DLGAP1: variants seen among roughly 807,000 people sequenced by gnomAD.
DLGAP1 encodes the protein DLG associated protein 1, also known as disks large-associated protein 1.
DLGAP1 carries 11 observed loss-of-function variants against 90.8 expected under a neutral mutation model. The observed-to-expected ratio is 0.12, with a 90% CI of 0.08 to 0.20. The LOEUF (loss-of-function observed/expected upper bound fraction) is 0.20, where lower values mean the gene tolerates loss of function less well. Ranked by LOEUF, DLGAP1 falls within the 10% of genes least tolerant of loss-of-function variation. The pLI is 1.00. For missense variants in DLGAP1, 1,050 were observed against 1,333.8 expected, an observed-to-expected ratio of 0.79 and a Z score of 3.31; for synonymous variants, 558 against 540.7, an observed-to-expected ratio of 1.03 and a Z score of -0.44.
intron 10 of DLGAP1, among the ~76,000 whole-genome samples, chr18:3,519,464 T>C (rs1315419799): frequency 1.3e-5 from 2 of 152,176 alleles, no homozygotes; most frequent in African/African-American, 2.4e-5. Context: ...CATTCTCAAC[T>C]CAACCCCTAT....
At chr18:4,058,806 T>C (rs1022910050) in intron 2 of DLGAP1, among the ~76,000 whole-genome samples, 1 of 152,248 alleles carries the variant, frequency 6.6e-6, no homozygotes. Flanking sequence ...GAGAGGAGTC[T>C]AGATTCTTGC....
At position 4,348,578 on chromosome 18, in the gene DLGAP1, A is replaced by G. The variant is rs1054570310; in HGVS notation, c.-267+106428T>C. Among the ~76,000 whole-genome samples, 8 of 152,240 alleles carry G rather than the reference A, an allele frequency of 5.3e-5. 1 individual carries two copies. The highest frequency in any genetic ancestry group is 1.9e-4 in the East Asian group (1 of 5,170). On this transcript the variant is annotated intron_variant, in intron 1 of 12. Coordinates refer to ENST00000315677, the MANE Select transcript of DLGAP1 (RefSeq NM_004746.4). ...ATCTAGCACTCAGATTTTGTTTCCAAATACCTTTCGCTAAGAAAAAGAGCC... is the reference window on the plus strand; with the variant it reads ...ATCTAGCACTCAGATTTTGTTTCCAGATACCTTTCGCTAAGAAAAAGAGCC...
chr18:4,312,592 C>A (rs558083724), intron 1 of DLGAP1, among the ~76,000 whole-genome samples: 18 of 152,068 alleles, frequency 1.2e-4, no homozygotes, highest in African/African-American at 4.3e-4. Flanking sequence ...GTGATCCCAC[C>A]GCAAGATGAG....
intron 1 of DLGAP1, among the ~76,000 whole-genome samples, chr18:4,222,853 A>G (rs2078106713): frequency 6.6e-6 from 1 of 152,178 alleles, no homozygotes; most frequent in South Asian, 2.1e-4. Flanking sequence ...AAACCATAAT[A>G]ATGTCTAATT....
intron 1 of DLGAP1, among the ~76,000 whole-genome samples, chr18:4,222,938 A>T (rs1169755440): frequency 6.6e-6 from 1 of 152,126 alleles, no homozygotes; most frequent in Non-Finnish European, 1.5e-5. Context: ...CAGAAAAGAA[A>T]TAAAAGAAAT....
At chr18:4,283,358 C>A (rs1598807797) in intron 1 of DLGAP1, among the ~76,000 whole-genome samples, 1 of 152,058 alleles carries the variant, frequency 6.6e-6, no homozygotes, top group African/African-American at 2.4e-5. Flanking sequence ...AAATATTTGT[C>A]TTTGAATATT....
Position 3,733,525 on chromosome 18 carries a change from G to GT in DLGAP1, c.1351-4151_1351-4150insA, listed in dbSNP as rs781453442. ...TGCCAGTGTTTTTTGGATATTGTGG[G>GT]GTTTTTTTGTTTTGTTTTCACATCC... On this transcript the variant is annotated intron_variant, in intron 6 of 12. Transcript: ENST00000315677. Among the ~76,000 whole-genome samples the GT allele has an allele frequency of 6.7e-3, 1,017 of 152,032 alleles. 12 individuals carry two copies. Among genetic ancestry groups the GT allele is most frequent in the African/African-American group, 0.022 (915 of 41,446 alleles).
chr18:3,892,541 A>G (rs1215364095), intron 3 of DLGAP1, among the ~76,000 whole-genome samples: 5 of 152,200 alleles, frequency 3.3e-5, no homozygotes, highest in Admixed American at 6.5e-5. Context: ...TTCCCTGACT[A>G]AAGGAATCAT....
chr18:4,302,763 A>G (rs2080158475), intron 1 of DLGAP1, among the ~76,000 whole-genome samples: 1 of 152,180 alleles, frequency 6.6e-6, no homozygotes, highest in Non-Finnish European at 1.5e-5. Context: ...AATGACATTG[A>G]AATTTTAATA....
intron 1 of DLGAP1, among the ~76,000 whole-genome samples, chr18:4,215,594 CTA>C (rs2077936292): frequency 6.6e-6 from 1 of 152,096 alleles, no homozygotes; most frequent in African/African-American, 2.4e-5. Flanking sequence ...ATTTCTGGTT[CTA>C]TGTGGCCAGT....
chr18:4,338,222 T>C (rs2081115321), intron 1 of DLGAP1, among the ~76,000 whole-genome samples: 1 of 152,200 alleles, frequency 6.6e-6, no homozygotes, highest in Non-Finnish European at 1.5e-5. Flanking sequence ...AGAAATTACA[T>C]TTTTACTGTT....
At chr18:4,348,010 G>A (rs1216702817) in intron 1 of DLGAP1, among the ~76,000 whole-genome samples, 2 of 152,052 alleles carry the variant, frequency 1.3e-5, no homozygotes, top group African/African-American at 4.8e-5. Flanking sequence ...AATCCTTCAT[G>A]TACATTGCAT....
chr18:3,501,046 C>G (rs2049902677), intron 12 of DLGAP1, among the ~76,000 whole-genome samples: 1 of 152,058 alleles, frequency 6.6e-6, no homozygotes, highest in Non-Finnish European at 1.5e-5. Context: ...TCCCAAGTAG[C>G]TGGCACTACA....
intron 1 of DLGAP1, among the ~76,000 whole-genome samples, chr18:4,399,276 C>T (rs916927286): frequency 2.0e-5 from 3 of 152,160 alleles, no homozygotes; most frequent in African/African-American, 7.2e-5. Flanking sequence ...TCTTTTTTTA[C>T]ACTGGAAATG....
intron 5 of DLGAP1, among the ~76,000 whole-genome samples, chr18:3,807,811 C>T (rs1489839982): frequency 2.0e-5 from 3 of 152,180 alleles, no homozygotes; most frequent in Non-Finnish European, 4.4e-5. Context: ...AGTATCGGGA[C>T]TTTCTTTTAT....
At chr18:3,964,823 T>G (rs1253098159) in intron 3 of DLGAP1, among the ~76,000 whole-genome samples, 1 of 152,146 alleles carries the variant, frequency 6.6e-6, no homozygotes, top group Non-Finnish European at 1.5e-5. Context: ...AAGGAGAAAG[T>G]GCAAACTGTG....
At chr18:4,265,676 C>T (rs1454936170) in intron 1 of DLGAP1, among the ~76,000 whole-genome samples, 1 of 101,436 alleles carries the variant, frequency 9.9e-6, no homozygotes, top group African/African-American at 4.6e-5. Flanking sequence ...TTCCTTCCTT[C>T]CTTCCTTCCT....
chr18:3,746,931 C>T (rs2063295225), intron 5 of DLGAP1, among the ~76,000 whole-genome samples: 1 of 152,204 alleles, frequency 6.6e-6, no homozygotes, highest in African/African-American at 2.4e-5. Context: ...AAAAACTATT[C>T]TTAATAATAC....
chr18:3,551,714 C>T (rs1479992391), intron 9 of DLGAP1, among the ~76,000 whole-genome samples: 433 of 32,718 alleles, frequency 0.013, 39 homozygotes, highest in African/African-American at 0.068. Context: ...CTCCCTCCCT[C>T]CCTCCCTCCC....
Sources: allele counts gnomAD v4.1 joint callset (sites outside exome capture counted in the v4.1 genomes callset), GRCh38; gene constraint gnomAD v4.1.1; transcripts MANE v1.5; gene names NCBI Gene and HGNC (gene_info 2026-07-23, HGNC 2026-07-21).